RANBP17: variants seen among roughly 807,000 people sequenced by gnomAD.
RANBP17 encodes the protein ran-binding protein 17.
Under a neutral mutation model 141.2 loss-of-function variants are expected in RANBP17, and 158 were observed. The observed-to-expected ratio is 1.12, with a 90% CI of 0.98 to 1.28. The LOEUF (loss-of-function observed/expected upper bound fraction) is 1.28. Among genes scored for constraint, RANBP17 ranks in the 50% most tolerant of loss-of-function variants. RANBP17 has a pLI of 0.00. For missense variants in RANBP17, 1,438 were observed against 1,290.7 expected (o/e 1.11, Z -1.75); for synonymous variants, 430 against 450.0 (o/e 0.96, Z 0.56).
At position 170,953,430 on chromosome 5, in the gene RANBP17, C is replaced by T. The variant is rs140754228; in HGVS notation, c.1469-167C>T. Among the ~76,000 whole-genome samples the T allele has an allele frequency of 8.7e-4, 132 of 152,212 alleles. 2 individuals are homozygous for T. Among genetic ancestry groups the T allele is most frequent in the African/African-American group, 3.1e-3 (128 of 41,562 alleles). On this transcript the variant is annotated intron_variant, in intron 12 of 27. Coordinates refer to ENST00000523189, the MANE Select transcript of RANBP17 (RefSeq NM_022897.5). Reference sequence around the variant, plus strand: ...CTATGCCATTTTCAGTGTTCTACTGCCTTGATAAACTTAAAACCGATCTGC... The same window carrying T: ...CTATGCCATTTTCAGTGTTCTACTGTCTTGATAAACTTAAAACCGATCTGC...
At chr5:171,119,975 T>G (rs1015071320) in intron 14 of RANBP17, among the ~76,000 whole-genome samples, 2 of 144,240 alleles carry the variant, frequency 1.4e-5, no homozygotes, top group African/African-American at 5.2e-5. Context: ...AGGTGGAGGT[T>G]GCGGTGAGCC....
intron 14 of RANBP17, among the ~76,000 whole-genome samples, chr5:171,073,496 C>G (rs977517158): frequency 6.6e-6 from 1 of 152,016 alleles, no homozygotes; most frequent in Non-Finnish European, 1.5e-5. Flanking sequence ...TAAGAAGTTA[C>G]AAGTAAACAA....
chr5:171,089,148 A>G (rs1270809096), intron 14 of RANBP17, among the ~76,000 whole-genome samples: 2 of 150,344 alleles, frequency 1.3e-5, no homozygotes, highest in African/African-American at 4.9e-5. Flanking sequence ...TTCGGTGTGG[A>G]TGTCCTTTCT....
At chr5:171,032,944 A>G (rs1435801752) in intron 14 of RANBP17, among the ~76,000 whole-genome samples, 5 of 152,050 alleles carry the variant, frequency 3.3e-5, no homozygotes, top group African/African-American at 9.7e-5. Context: ...CTCTTTTTAC[A>G]TTTGTTTTTA....
intron 14 of RANBP17, among the ~76,000 whole-genome samples, chr5:171,108,910 A>G (rs1755031465): frequency 6.6e-6 from 1 of 152,216 alleles, no homozygotes; most frequent in African/African-American, 2.4e-5. Flanking sequence ...GGCAAACTTT[A>G]TTAAAAAACA....
chr5:171,268,533 G>A (rs560601886), intron 25 of RANBP17, among the ~76,000 whole-genome samples: 10 of 152,148 alleles, frequency 6.6e-5, no homozygotes, highest in East Asian at 5.8e-4. Flanking sequence ...ATGTCAGCGC[G>A]TCTCTCCTCC....
intron 14 of RANBP17, among the ~76,000 whole-genome samples, chr5:171,147,233 G>A (rs1170315211): frequency 6.6e-6 from 1 of 151,656 alleles, no homozygotes; most frequent in Admixed American, 6.6e-5. Flanking sequence ...CACAATGAGT[G>A]GCATATACAT....
intron 13 of RANBP17, among the ~76,000 whole-genome samples, 182 bp from the exon 14 acceptor site, chr5:170,968,060 C>G (rs776181197): frequency 6.6e-6 from 1 of 151,566 alleles, no homozygotes; most frequent in Non-Finnish European, 1.5e-5. Flanking sequence ...TGAATTAGAC[C>G]AAGTAGTAAT....
chr5:170,954,685 T>C (rs1306190444), intron 13 of RANBP17, among the ~76,000 whole-genome samples: 1 of 152,152 alleles, frequency 6.6e-6, no homozygotes, highest in Non-Finnish European at 1.5e-5. Context: ...TTTTTTATTA[T>C]AAATTACTTT....
chr5:171,006,258 A>G (rs1257474781), intron 14 of RANBP17, among the ~76,000 whole-genome samples: 1 of 152,236 alleles, frequency 6.6e-6, no homozygotes, highest in Non-Finnish European at 1.5e-5. Flanking sequence ...ATATACCCAA[A>G]GAATTATAAA....
intron 14 of RANBP17, among the ~76,000 whole-genome samples, chr5:171,061,988 C>T (rs1323117876): frequency 1.3e-5 from 2 of 151,448 alleles, no homozygotes; most frequent in Admixed American, 6.6e-5. Flanking sequence ...CAACCCCTGC[C>T]TTTTTTTGTT....
chr5:171,218,630 G>A (rs1003824708), intron 21 of RANBP17, among the ~76,000 whole-genome samples: 1 of 152,156 alleles, frequency 6.6e-6, no homozygotes, highest in Non-Finnish European at 1.5e-5. Context: ...TCTTCACGTT[G>A]CATTGATCCC....
At chr5:171,151,928 CT>C (rs1463311186) in intron 14 of RANBP17, among the ~76,000 whole-genome samples, 12 of 152,122 alleles carry the variant, frequency 7.9e-5, no homozygotes, top group Admixed American at 6.6e-5. Flanking sequence ...TTTAATTGAA[CT>C]CTTGGGAGCA....
intron 14 of RANBP17, among the ~76,000 whole-genome samples, chr5:171,124,414 A>G (rs1306025431): frequency 6.6e-6 from 1 of 152,156 alleles, no homozygotes; most frequent in South Asian, 2.1e-4. Flanking sequence ...AGGGGAAGAG[A>G]TGGAAAAGTC....
intron 14 of RANBP17, among the ~76,000 whole-genome samples, chr5:170,976,075 A>G (rs1048335972): frequency 6.6e-6 from 1 of 152,190 alleles, no homozygotes; most frequent in Non-Finnish European, 1.5e-5. Flanking sequence ...CTACTTGCAG[A>G]TGACATGATC....
At chr5:171,089,400 T>G (rs913552156) in intron 14 of RANBP17, among the ~76,000 whole-genome samples, 4 of 151,604 alleles carry the variant, frequency 2.6e-5, no homozygotes, top group African/African-American at 7.3e-5. Flanking sequence ...CAGAGGTTAC[T>G]GCTGTCTTTT....
intron 24 of RANBP17, among the ~76,000 whole-genome samples, chr5:171,244,802 T>G (rs1765111217): frequency 6.6e-6 from 1 of 152,126 alleles, no homozygotes; most frequent in Non-Finnish European, 1.5e-5. Flanking sequence ...TCATCAGGTT[T>G]ATGTTTTTTT....
intron 16 of RANBP17, among the ~76,000 whole-genome samples, chr5:171,174,990 C>T (rs551276210): frequency 8.8e-4 from 134 of 152,018 alleles, no homozygotes; most frequent in Non-Finnish European, 1.6e-3. Flanking sequence ...GTGATATTCC[C>T]CTCCCTGTGT....
intron 14 of RANBP17, among the ~76,000 whole-genome samples, chr5:171,154,345 C>T (rs1449615382): frequency 3.9e-5 from 6 of 151,966 alleles, no homozygotes; most frequent in East Asian, 2.0e-4. Context: ...GGCACGATCT[C>T]GGCTCACTGC....
Sources: allele counts gnomAD v4.1 joint callset (sites outside exome capture counted in the v4.1 genomes callset), GRCh38; gene constraint gnomAD v4.1.1; transcripts MANE v1.5; gene names NCBI Gene and HGNC (gene_info 2026-07-23, HGNC 2026-07-21).